Variants in JPH3 observed in about 807,000 individuals in gnomAD.
JPH3 encodes the protein junctophilin-3.
Under a neutral mutation model 59.6 loss-of-function variants are expected in JPH3, and 11 were observed. The observed-to-expected ratio is 0.18, with a 90% confidence interval of 0.12 to 0.31. The LOEUF is 0.31. JPH3 is among the 10% of genes least tolerant of loss of function. The pLI is 1.00. For missense variants in JPH3, 1,202 were observed against 1,105.7 expected (o/e 1.09, Z -1.24); for synonymous variants, 673 against 483.6 (o/e 1.39, Z -5.14).
chr16:87,690,830 C>A (rs562663187), intron 4 of JPH3, among the ~76,000 whole-genome samples: 21 of 152,374 alleles, frequency 1.4e-4, no homozygotes, highest in South Asian at 4.1e-4. Flanking sequence ...ACGTGCTCAA[C>A]CCCAGCTGCT....
At chr16:87,612,729 C>G (rs2030775533) in intron 1 of JPH3, among the ~76,000 whole-genome samples, 1 of 151,936 alleles carries the variant, frequency 6.6e-6, no homozygotes, top group Non-Finnish European at 1.5e-5. Flanking sequence ...TTAAAATAGA[C>G]TAGAGGCCGG....
At chr16:87,638,457 A>C (rs763311704) in intron 1 of JPH3, among the ~76,000 whole-genome samples, 36 of 152,166 alleles carry the variant, frequency 2.4e-4, no homozygotes, top group Non-Finnish European at 4.3e-4. Flanking sequence ...AGGAGCGACC[A>C]CCATGATCCA....
intron 1 of JPH3, among the ~76,000 whole-genome samples, chr16:87,620,490 A>AGAAGGAGAGGAGAGAGGGAGG (rs1567584996): frequency 2.3e-5 from 2 of 87,262 alleles, no homozygotes; most frequent in Admixed American, 1.6e-4. Context: ...AGAGAGGGAG[A>AGAAGGAGAGGAGAGAGGGAGG]GGGGGAGGGG....
intron 3 of JPH3, among the ~76,000 whole-genome samples, chr16:87,688,023 G>A (rs751788859): frequency 9.2e-5 from 14 of 152,188 alleles, no homozygotes; most frequent in Non-Finnish European, 1.9e-4. Context: ...GGACCCTCAC[G>A]GGGAGAGAGG....
In JPH3 at chr16:87,681,429, G is replaced by A. The variant is rs1268922721; in HGVS notation, c.1161-2713G>A. Among the ~76,000 whole-genome samples the A allele has an allele frequency of 1.1e-4, 15 of 135,190 alleles. No homozygotes were observed. The South Asian group carries it at 1.8e-3, about 16-fold the overall frequency. The allele number at this position is 135,190 out of a possible 152,430, so 88.7% of individuals were successfully genotyped here. A position where few individuals can be genotyped will look rare whatever the true frequency, so the allele number is the denominator to read the frequency against. Reference sequence around the variant, plus strand: ...GTGACAGTGCCGGGAGGTCAGGTGCGCGCGGTGGTGACAGTGCCGGGAGGT... The same window carrying A: ...GTGACAGTGCCGGGAGGTCAGGTGCACGCGGTGGTGACAGTGCCGGGAGGT... On this transcript the variant is annotated intron_variant, in intron 2 of 4. Coordinates refer to ENST00000284262, the MANE Select transcript of JPH3 (RefSeq NM_020655.4).
intron 2 of JPH3, among the ~76,000 whole-genome samples, chr16:87,663,145 G>A (rs2032759058): frequency 6.8e-6 from 1 of 146,804 alleles, no homozygotes; most frequent in Non-Finnish European, 1.5e-5. Flanking sequence ...GTCGCGCCCT[G>A]TCACCCAGGC....
chr16:87,666,170 C>A (rs1041122649), intron 2 of JPH3, among the ~76,000 whole-genome samples: 14 of 151,390 alleles, frequency 9.2e-5, no homozygotes, highest in Non-Finnish European at 2.1e-4. Flanking sequence ...TTCACTGTAG[C>A]CTCTGCCTCC....
At chr16:87,608,867 G>T (rs192267378) in intron 1 of JPH3, among the ~76,000 whole-genome samples, 1 of 152,096 alleles carries the variant, frequency 6.6e-6, no homozygotes, top group African/African-American at 2.4e-5. Context: ...TGAGACCCCC[G>T]TCTCTACAAA....
chr16:87,641,040 C>T (rs1196285934), intron 1 of JPH3, among the ~76,000 whole-genome samples: 2 of 152,208 alleles, frequency 1.3e-5, no homozygotes, highest in African/African-American at 4.8e-5. Context: ...CACAGGGTTT[C>T]CCCCCAGTGT....
rs367689640 is a variant in JPH3, at chr16:87,646,597, G to A, written c.1160+1562G>A. On this transcript the variant is annotated intron_variant, in intron 2 of 4. Transcript: ENST00000284262. Reference sequence around the variant, plus strand: ...AGCATTAGCTCTGGTCTGATGGATCGGCCGAGCGCTCTCCTTGGCATTTTG... The same window carrying A: ...AGCATTAGCTCTGGTCTGATGGATCAGCCGAGCGCTCTCCTTGGCATTTTG... Among the ~76,000 whole-genome samples, 5 of 152,192 alleles carry A rather than the reference G, an allele frequency of 3.3e-5. No homozygotes were observed. The East Asian group carries it at 5.8e-4, about 18-fold the overall frequency.
In JPH3 at chr16:87,652,630, G is replaced by T. The variant is rs116439222; in HGVS notation, c.1160+7595G>T. Among the ~76,000 whole-genome samples, 1,446 of 152,330 alleles carry T rather than the reference G, an allele frequency of 9.5e-3. 26 individuals are homozygous for T. The highest frequency in any genetic ancestry group is 0.033 in the African/African-American group (1,365 of 41,570). ...GGGTGCACGCAGCTGGGCTAGGATG[G>T]CCTGGCTGGGGTCAGCCCCCGTCTG... is the stretch of plus-strand genomic sequence containing the variant. On this transcript the variant is annotated intron_variant, in intron 2 of 4. Transcript: ENST00000284262.
At chr16:87,627,626 C>G (rs1321600618) in intron 1 of JPH3, among the ~76,000 whole-genome samples, 3 of 152,082 alleles carry the variant, frequency 2.0e-5, no homozygotes, top group East Asian at 1.9e-4. Flanking sequence ...GGCTCTCATC[C>G]CTTTGCTGTG....
chr16:87,676,184 T>C (rs75837650), intron 2 of JPH3, among the ~76,000 whole-genome samples: 9,121 of 152,332 alleles, frequency 0.06, 374 homozygotes, highest in South Asian at 0.16. Context: ...GCTCTTTTTA[T>C]GTGTTTACCT....
intron 1 of JPH3, among the ~76,000 whole-genome samples, chr16:87,631,619 C>T (rs943819854): frequency 7.2e-5 from 11 of 152,150 alleles, no homozygotes; most frequent in South Asian, 2.1e-4. Flanking sequence ...CCAGTCTGGA[C>T]GCTCACACCC....
intron 4 of JPH3, among the ~76,000 whole-genome samples, chr16:87,692,982 C>CCAGGGGTGGCATCAGTGGG (rs2033643058): frequency 6.6e-6 from 1 of 152,212 alleles, no homozygotes; most frequent in Non-Finnish European, 1.5e-5. Flanking sequence ...GAACTTTGCA[C>CCAGGGGTGGCATCAGTGGG]CAGGGGTGGC....
chr16:87,684,577 G>A, intron 3 of JPH3: 2 of 366,356 alleles, frequency 5.5e-6, no homozygotes, highest in Non-Finnish European at 1.0e-5. Context: ...GCTGTCTGCT[G>A]CCCGCCCTCC....
Position 87,656,454 on chromosome 16 carries a change from G to T in JPH3, c.1160+11419G>T, listed in dbSNP as rs557644030. Among the ~76,000 whole-genome samples, 4 of 152,328 alleles carry T rather than the reference G, an allele frequency of 2.6e-5. No individual in the cohort carries two copies. In the South Asian group the frequency reaches 6.2e-4, roughly 24 times the overall value. ...CTGTGGGAATGGGGAGATGAGCCAC[G>T]TTCTGCCCCGGTATGTCTGCAACGA... On this transcript the variant is annotated intron_variant, in intron 2 of 4. Transcript: ENST00000284262.
At chr16:87,696,018 C>T (rs1034851351) in intron 4 of JPH3, 1 of 455,956 alleles carries the variant, frequency 2.2e-6, no homozygotes, top group African/African-American at 2.0e-5. Flanking sequence ...ACACAGTCCT[C>T]CAGAGCCAGT....
chr16:87,686,739 C>A (rs758647938), intron 3 of JPH3, among the ~76,000 whole-genome samples: 11 of 152,326 alleles, frequency 7.2e-5, no homozygotes, highest in South Asian at 2.1e-4. Flanking sequence ...TCCTGGAGGG[C>A]TCAGGTCCCT....
Sources: gnomAD v4.1 joint callset for allele counts (sites outside exome capture counted in the v4.1 genomes callset) on GRCh38, gnomAD v4.1.1 for gene constraint, MANE v1.5 for transcripts, NCBI Gene and HGNC (gene_info 2026-07-23, HGNC 2026-07-21) for gene names.